Variants in TBCK observed in about 807,000 individuals in gnomAD.
TBCK encodes TBC domain-containing protein kinase-like protein.
A neutral mutation model predicts 113.4 loss-of-function variants in TBCK; 99 were observed. The observed-to-expected ratio is 0.87, with a 90% CI of 0.74 to 1.03. The LOEUF (loss-of-function observed/expected upper bound fraction) is 1.03. TBCK is among the 50% of genes least tolerant of loss of function. The probability of loss-of-function intolerance (pLI) is 0.00; values close to 1 mark genes in which losing one functional copy is unlikely to be tolerated. For synonymous variants in TBCK, 369 were observed against 370.8 expected (o/e 1.00, Z 0.05); for missense variants, 1,045 against 1,061.3 (o/e 0.98, Z 0.21).
chr4:106,093,253 TCCC>T (rs1181882373), intron 25 of TBCK, among the ~76,000 whole-genome samples: 3 of 152,192 alleles, frequency 2.0e-5, no homozygotes. Context: ...ACGCCTGTAA[TCCC>T]AGCACTTTGG....
At chr4:106,263,554 G>A (rs537200762) in intron 3 of TBCK, among the ~76,000 whole-genome samples, 46 of 151,748 alleles carry the variant, frequency 3.0e-4, no homozygotes, top group African/African-American at 9.7e-4. Context: ...GTGGCATGAG[G>A]GAACTGTTCT....
chr4:106,221,642 G>T (rs1757690330), intron 19 of TBCK, among the ~76,000 whole-genome samples: 1 of 151,324 alleles, frequency 6.6e-6, no homozygotes, highest in African/African-American at 2.4e-5. Context: ...CTTTTGATTT[G>T]CAAATCAAAG....
intron 24 of TBCK, among the ~76,000 whole-genome samples, chr4:106,100,961 G>A (rs1331324861): frequency 1.3e-5 from 2 of 152,038 alleles, no homozygotes; most frequent in African/African-American, 4.8e-5. Context: ...TGTTTTTTAA[G>A]AATCATGTCA....
At chr4:106,265,474 C>A (rs1762910664) in intron 3 of TBCK, among the ~76,000 whole-genome samples, 1 of 151,612 alleles carries the variant, frequency 6.6e-6, no homozygotes, top group Admixed American at 6.6e-5. Context: ...AGAGCATAAT[C>A]TTTAGTCCTA....
intron 7 of TBCK, among the ~76,000 whole-genome samples, chr4:106,249,829 G>A (rs1761231819): frequency 6.6e-6 from 1 of 152,040 alleles, no homozygotes; most frequent in Non-Finnish European, 1.5e-5. Context: ...ATTTGTAAAT[G>A]TTTTTAACTT....
At chr4:106,304,294 A>T (rs1432172338) in intron 2 of TBCK, among the ~76,000 whole-genome samples, 1 of 152,126 alleles carries the variant, frequency 6.6e-6, no homozygotes, top group African/African-American at 2.4e-5. Context: ...AGCTACAGAG[A>T]CTTCCCAGTT....
chr4:106,197,433 A>ATATATATATATATAT, intron 20 of TBCK, among the ~76,000 whole-genome samples: 1 of 146,162 alleles, frequency 6.8e-6, no homozygotes, highest in African/African-American at 2.5e-5. Context: ...ATATATATAT[A>ATATATATATATATAT]ATACAAAGTA....
chr4:106,063,637 T>A (rs1322809929), intron 25 of TBCK, among the ~76,000 whole-genome samples: 1 of 151,886 alleles, frequency 6.6e-6, no homozygotes, highest in Non-Finnish European at 1.5e-5. Flanking sequence ...ACGGTCTGAA[T>A]GTTTGTGTCT....
chr4:106,091,837 T>C (rs1197516193), intron 25 of TBCK, among the ~76,000 whole-genome samples: 2 of 152,188 alleles, frequency 1.3e-5, no homozygotes, highest in Admixed American at 6.5e-5. Context: ...TTTTATTCTC[T>C]TATCTGGCCC....
chr4:106,308,316 A>G (rs1767760856), intron 2 of TBCK, among the ~76,000 whole-genome samples: 1 of 152,228 alleles, frequency 6.6e-6, no homozygotes, highest in Non-Finnish European at 1.5e-5. Context: ...ATAAAATGTG[A>G]TAAAAGCTAT....
intron 22 of TBCK, among the ~76,000 whole-genome samples, chr4:106,179,477 T>C (rs1752075821): frequency 6.6e-6 from 1 of 152,024 alleles, no homozygotes; most frequent in Non-Finnish European, 1.5e-5. Flanking sequence ...AGGAATACTA[T>C]AATTTCCTTT....
chr4:106,274,336 T>C (rs1763797293), intron 3 of TBCK, among the ~76,000 whole-genome samples: 1 of 152,154 alleles, frequency 6.6e-6, no homozygotes, highest in Non-Finnish European at 1.5e-5. Flanking sequence ...AAATTTCCAT[T>C]CCAATATGAA....
At chr4:106,084,521 A>G (rs1578847081) in intron 25 of TBCK, among the ~76,000 whole-genome samples, 1 of 152,340 alleles carries the variant, frequency 6.6e-6, no homozygotes, top group East Asian at 1.9e-4. Flanking sequence ...ACTTCAGGAT[A>G]TTAGCCAGGA....
intron 3 of TBCK, among the ~76,000 whole-genome samples, chr4:106,290,477 GA>G (rs1264838875): frequency 2.6e-5 from 4 of 151,792 alleles, no homozygotes; most frequent in African/African-American, 9.7e-5. Context: ...CACCCGGCCG[GA>G]ATAATATATT....
intron 23 of TBCK, among the ~76,000 whole-genome samples, chr4:106,120,736 C>T (rs1744231241): frequency 6.6e-6 from 1 of 152,162 alleles, no homozygotes; most frequent in African/African-American, 2.4e-5. Context: ...GGTATTCTAA[C>T]AGACCTGTAG....
chr4:106,099,826 A>G (rs746334836), intron 24 of TBCK, among the ~76,000 whole-genome samples: 1 of 152,176 alleles, frequency 6.6e-6, no homozygotes, highest in Non-Finnish European at 1.5e-5. Context: ...TCTTGGAAAT[A>G]CACTTGATTT....
At chr4:106,290,822 GCA>G (rs1343647843) in intron 3 of TBCK, among the ~76,000 whole-genome samples, 1 of 152,190 alleles carries the variant, frequency 6.6e-6, no homozygotes, top group African/African-American at 2.4e-5. Context: ...ATCAGCAGCA[GCA>G]CTGATTCTCA....
At chr4:106,215,438 A>G (rs1192895942) in intron 19 of TBCK, among the ~76,000 whole-genome samples, 2 of 152,208 alleles carry the variant, frequency 1.3e-5, no homozygotes, top group Non-Finnish European at 2.9e-5. Flanking sequence ...ATAAAGAGTC[A>G]AGACCCATCA....
intron 1 of TBCK, among the ~76,000 whole-genome samples, chr4:106,315,116 G>C (rs1228930224): frequency 1.3e-5 from 2 of 152,072 alleles, no homozygotes; most frequent in Non-Finnish European, 2.9e-5. Context: ...TACACCTCGT[G>C]AGTGGAAGAA....
Sources: allele counts gnomAD v4.1 joint callset (sites outside exome capture counted in the v4.1 genomes callset), GRCh38; gene constraint gnomAD v4.1.1; transcripts MANE v1.5; gene names NCBI Gene and HGNC (gene_info 2026-07-23, HGNC 2026-07-21).